TNFRSF11A: variants seen among roughly 807,000 people sequenced by gnomAD.
TNFRSF11A encodes the protein tumor necrosis factor receptor superfamily member 11A.
Under a neutral mutation model 55.7 loss-of-function variants are expected in TNFRSF11A, and 32 were observed. That is an observed-to-expected ratio of 0.57 (90% CI 0.43 to 0.77). The LOEUF is 0.77. TNFRSF11A is among the 30% of genes least tolerant of loss of function. The pLI is 0.00. For synonymous variants in TNFRSF11A, 311 were observed against 331.0 expected (o/e 0.94, Z 0.65); for missense variants, 753 against 809.8 (o/e 0.93, Z 0.85).
intron 4 of TNFRSF11A, chr18:62,357,883 G>A (rs942170833): frequency 6.8e-6 from 2 of 295,140 alleles, no homozygotes; most frequent in Non-Finnish European, 6.7e-6. Context: ...AGTCAACATC[G>A]GCTCCCAGAC....
chr18:62,369,137 C>G lies in TNFRSF11A; in HGVS notation c.1220C>G (p.Pro407Arg). 1 of 1,614,088 alleles carries G rather than the reference C, an allele frequency of 6.2e-7. No homozygotes were observed. Among genetic ancestry groups the G allele is most frequent in the Non-Finnish European group, 8.5e-7 (1 of 1,180,038 alleles). The change falls in exon 9 of 10, where the codon CCC becomes CGC. Residue 407 changes from proline to arginine, a missense_variant. Pro to Arg is a moderately radical substitution (Grantham distance 103). This residue lies in a region of TNFRSF11A where 567 missense variants were observed against 596.7 expected (regional missense o/e 0.95). Coordinates refer to ENST00000586569, the MANE Select transcript of TNFRSF11A (RefSeq NM_003839.4). ...TCAGAAAGCTGCAACTGCACTGAGCCCCTGTGCAGGACTGATTGGACTCCC... is the reference window on the plus strand; with the variant it reads ...TCAGAAAGCTGCAACTGCACTGAGCGCCTGTGCAGGACTGATTGGACTCCC... ...VGSESCNCTE[P>R]LCRTDWTPMS...
intron 1 of TNFRSF11A, among the ~76,000 whole-genome samples, chr18:62,345,954 C>T (rs1474960947): frequency 2.0e-5 from 3 of 152,156 alleles, no homozygotes; most frequent in Admixed American, 6.5e-5. Flanking sequence ...AGCCATACTC[C>T]TAAACATGGA....
rs775114277 is a variant in TNFRSF11A, at chr18:62,384,986, G to A, written c.1803G>A (p.Pro601=). Residue 601 remains proline (P), a synonymous_variant, in exon 10 of 10, where the codon CCG becomes CCA. Coordinates refer to ENST00000586569, the MANE Select transcript of TNFRSF11A (RefSeq NM_003839.4). ...PCGGPEGLRE[P]EKASRPVQEQ... is the part of the protein sequence containing the mutation. The stretch of plus-strand genomic sequence containing the variant: ...GCGGCCCCGAGGGGCTGCGGGAGCC[G>A]GAGAAGGCCTCGAGGCCGGTGCAGG... The A allele has an allele frequency of 2.0e-6, 3 of 1,471,742 alleles. No individual in the cohort carries two copies. Among genetic ancestry groups the A allele is most frequent in the Admixed American group, 2.6e-5 (1 of 37,968 alleles). The allele number at this position is 1,471,742 out of a possible 1,614,324, so 91.2% of individuals were successfully genotyped here. A position where few individuals can be genotyped will look rare whatever the true frequency, so the allele number is the denominator to read the frequency against.
In TNFRSF11A at chr18:62,366,772, A is replaced by C. The variant is rs1910113331; in HGVS notation, c.783+12A>C. 2 of 1,614,102 alleles carry C rather than the reference A, an allele frequency of 1.2e-6. No individual in the cohort carries two copies. The highest frequency in any genetic ancestry group is 2.2e-5 in the East Asian group (1 of 44,884). On this transcript the variant is annotated intron_variant, in intron 8 of 9. Coordinates refer to ENST00000586569, the MANE Select transcript of TNFRSF11A (RefSeq NM_003839.4). Reference sequence around the variant, plus strand: ...TAAGTGGAGATAAGGTAGAGTGAACAGTTGTTGGTGCCTCTGTTAAGTACA... The same window carrying C: ...TAAGTGGAGATAAGGTAGAGTGAACCGTTGTTGGTGCCTCTGTTAAGTACA...
chr18:62,337,125 A>G (rs137969698), intron 1 of TNFRSF11A, among the ~76,000 whole-genome samples: 42 of 152,334 alleles, frequency 2.8e-4, no homozygotes, highest in African/African-American at 1.0e-3. Flanking sequence ...AGGACTTCTA[A>G]TCACAGTTAC....
chr18:62,359,202 A>G (rs979494808), intron 5 of TNFRSF11A, among the ~76,000 whole-genome samples: 2 of 152,146 alleles, frequency 1.3e-5, no homozygotes, highest in Non-Finnish European at 2.9e-5. Flanking sequence ...CCTGGGCAAC[A>G]TAGCAAGACC....
In TNFRSF11A at chr18:62,389,681, C is replaced by T. The variant is rs533922415; in HGVS notation, c.*4647C>T. ...GAGGTTGAAACTCATGCTAGGCTAACATCTCTTTCCTTCATCCCATTCATA... is the reference window on the plus strand; with the variant it reads ...GAGGTTGAAACTCATGCTAGGCTAATATCTCTTTCCTTCATCCCATTCATA... On this transcript the variant is annotated 3_prime_UTR_variant, in exon 10 of 10. Coordinates refer to ENST00000586569, the MANE Select transcript of TNFRSF11A (RefSeq NM_003839.4). 1 of 152,216 alleles carries T rather than the reference C, an allele frequency of 6.6e-6. No homozygotes were observed. The highest frequency in any genetic ancestry group is 1.5e-5 in the Non-Finnish European group (1 of 68,046). 9.4% of individuals were successfully genotyped at this position (152,216 alleles called of 1,614,324 possible). A position where few individuals can be genotyped will look rare whatever the true frequency, so the allele number is the denominator to read the frequency against.
chr18:62,355,818 C>A (rs1424127459), intron 4 of TNFRSF11A, among the ~76,000 whole-genome samples: 1 of 152,186 alleles, frequency 6.6e-6, no homozygotes, highest in African/African-American at 2.4e-5. Flanking sequence ...CATTCAACAT[C>A]AATTCTGTTT....
At chr18:62,361,922 T>G in intron 7 of TNFRSF11A, 129 bp downstream of exon 7, 2 of 867,788 alleles carry the variant, frequency 2.3e-6, no homozygotes, top group South Asian at 2.9e-5. Context: ...CAAAACACGT[T>G]TTATCATTCT....
Position 62,369,060 on chromosome 18 carries a change from G to A in TNFRSF11A, c.1143G>A (p.Gly381=). The change falls in exon 9 of 10, where the codon GGG becomes GGA. Residue 381 remains glycine (G), a synonymous_variant. Coordinates refer to ENST00000586569, the MANE Select transcript of TNFRSF11A (RefSeq NM_003839.4). ...TPPFSEPLEV[G]ENDSLSQCFT... ...CTTTCTCTGAACCCCTGGAGGTGGGGGAGAATGACAGTTTAAGCCAGTGCT... is the reference window on the plus strand; with the variant it reads ...CTTTCTCTGAACCCCTGGAGGTGGGAGAGAATGACAGTTTAAGCCAGTGCT... 3 of 1,614,180 alleles carry A rather than the reference G, an allele frequency of 1.9e-6. No individual in the cohort carries two copies. Among genetic ancestry groups the A allele is most frequent in the Non-Finnish European group, 2.5e-6 (3 of 1,180,040 alleles).
rs1911883072 is a variant in TNFRSF11A, at chr18:62,388,788, A to G, written c.*3754A>G. 6.6e-6 allele frequency: 1 copy of G among 152,254 alleles called. No individual in the cohort carries two copies. Among genetic ancestry groups the G allele is most frequent in the Admixed American group, 6.5e-5 (1 of 15,288 alleles). The allele number at this position is 152,254 out of a possible 1,614,324, so 9.4% of individuals were successfully genotyped here. A position where few individuals can be genotyped will look rare whatever the true frequency, so the allele number is the denominator to read the frequency against. ...ACATTCCTTTGGCACAGAAAACTGA[A>G]AAGTCACAACTTCTAAAATCAAGAA... On this transcript the variant is annotated 3_prime_UTR_variant, in exon 10 of 10. Transcript: ENST00000586569.
intron 9 of TNFRSF11A, among the ~76,000 whole-genome samples, chr18:62,378,522 A>C (rs545556471): frequency 1.5e-4 from 23 of 152,288 alleles, no homozygotes; most frequent in African/African-American, 5.5e-4. Flanking sequence ...TATTTCATGA[A>C]TCTCTGTGTC....
rs34939126 is a variant in TNFRSF11A, at chr18:62,366,842, AC to A, written c.783+91del. The A allele has an allele frequency of 6.8e-3, 7,972 of 1,164,150 alleles. 41 individuals carry two copies. Among genetic ancestry groups the A allele is most frequent in the African/African-American group, 0.03 (1,931 of 64,766 alleles). The allele number at this position is 1,164,150 out of a possible 1,614,324, so 72.1% of individuals were successfully genotyped here. On this transcript the variant is annotated intron_variant, in intron 8 of 9. Coordinates refer to ENST00000586569, the MANE Select transcript of TNFRSF11A (RefSeq NM_003839.4). ...GAGCCATCCTAGTCACATATTGAGC[AC>A]CCCCCCCCACCCCCACTTTTTTTGA... is the stretch of plus-strand genomic sequence containing the variant.
At chr18:62,384,348 C>T (rs1477505675) in intron 9 of TNFRSF11A, among the ~76,000 whole-genome samples, 1 of 143,292 alleles carries the variant, frequency 7.0e-6, no homozygotes, top group African/African-American at 2.6e-5. Context: ...TCTTCCCCTC[C>T]TTTACCTCCC....
intron 1 of TNFRSF11A, among the ~76,000 whole-genome samples, chr18:62,344,321 T>G (rs1039454429): frequency 2.6e-5 from 4 of 152,256 alleles, no homozygotes; most frequent in Admixed American, 6.5e-5. Context: ...AAGCTTTGAC[T>G]CTATCAGTCT....
chr18:62,369,818 G>A (rs771275964), intron 9 of TNFRSF11A, among the ~76,000 whole-genome samples: 28 of 152,168 alleles, frequency 1.8e-4, no homozygotes, highest in Admixed American at 5.9e-4. Flanking sequence ...CAACATCGGC[G>A]TCAGGACTGG....
chr18:62,378,202 C>G (rs1169251432), intron 9 of TNFRSF11A: 1 of 152,198 alleles, frequency 6.6e-6, no homozygotes, highest in Non-Finnish European at 1.5e-5. Flanking sequence ...GGAATTCTTA[C>G]TTTTAGCAAG....
chr18:62,354,560 C>T (rs1350309364), intron 4 of TNFRSF11A, 26 bp downstream of exon 4: 4 of 1,601,240 alleles, frequency 2.5e-6, no homozygotes, highest in Admixed American at 1.7e-5. Context: ...GTGCGTCTGT[C>T]GGCTCTTGCT....
intron 9 of TNFRSF11A, among the ~76,000 whole-genome samples, chr18:62,370,293 G>A (rs1910443674): frequency 6.6e-6 from 1 of 152,184 alleles, no homozygotes; most frequent in Admixed American, 6.6e-5. Flanking sequence ...CATTTGAAGG[G>A]TCAGGGATCT....
Sources: gnomAD v4.1 joint callset for allele counts (sites outside exome capture counted in the v4.1 genomes callset) on GRCh38, gnomAD v4.1.1 for gene constraint, gnomAD v4.1.1 regional missense constraint, MANE v1.5 for transcripts, NCBI Gene and HGNC (gene_info 2026-07-23, HGNC 2026-07-21) for gene names.